Variants in SPTBN1 observed in about 807,000 individuals in gnomAD.
The protein encoded by SPTBN1 is spectrin beta, non-erythrocytic 1, also known as spectrin beta chain, non-erythrocytic 1.
A neutral mutation model predicts 266.4 loss-of-function variants in SPTBN1; 32 were observed. That is an observed-to-expected ratio of 0.12 (90% CI 0.09 to 0.16). SPTBN1 has a LOEUF of 0.16. Ranked by LOEUF, SPTBN1 falls within the 10% of genes least tolerant of loss-of-function variation. The pLI, the probability that SPTBN1 is intolerant of heterozygous loss-of-function variation, is 1.00. For synonymous variants in SPTBN1, 1,336 were observed against 1,162.2 expected, an observed-to-expected ratio of 1.15 and a Z score of -3.04; for missense variants, 2,296 against 3,067.1, an observed-to-expected ratio of 0.75 and a Z score of 5.94.
At chr2:54,582,061 G>T (rs185759427) in intron 2 of SPTBN1, among the ~76,000 whole-genome samples, 27 of 152,240 alleles carry the variant, frequency 1.8e-4, no homozygotes, top group African/African-American at 6.5e-4. Context: ...ACATCTGGAA[G>T]TCTGGTTATG....
intron 1 of SPTBN1, among the ~76,000 whole-genome samples, chr2:54,516,709 T>A (rs75675802): frequency 0.039 from 5,905 of 152,270 alleles, 152 homozygotes; most frequent in Admixed American, 0.089. Flanking sequence ...ACTCAAAATG[T>A]CTGAGACAAG....
intron 4 of SPTBN1, 46 bp downstream of exon 4, chr2:54,612,380 C>T: frequency 6.4e-7 from 1 of 1,560,252 alleles, no homozygotes; most frequent in Non-Finnish European, 8.7e-7. Context: ...GCCGACCTCT[C>T]AGGTATGAGC....
At chr2:54,506,124 TAAA>T in intron 1 of SPTBN1, among the ~76,000 whole-genome samples, 1 of 17,104 alleles carries the variant, frequency 5.8e-5, no homozygotes, top group Non-Finnish European at 1.8e-4. Context: ...ACTCCGTCTC[TAAA>T]TAAATAAATA....
At position 54,596,573 on chromosome 2, in the gene SPTBN1, G is replaced by C. The variant is rs547835475; in HGVS notation, c.149-2519G>C. 1.1e-3 allele frequency among the ~76,000 whole-genome samples: 169 copies of C among 152,310 alleles called. No individual in the cohort carries two copies. The Middle Eastern group carries it at 0.014, about 12-fold the overall frequency. On this transcript the variant is annotated intron_variant, in intron 2 of 35. Coordinates refer to ENST00000356805, the MANE Select transcript of SPTBN1 (RefSeq NM_003128.3). ...TGAACCTGAGGAACTTAGACCCTGC[G>C]TGATTTTTCCAGCACTCTTGCACTT... is the stretch of plus-strand genomic sequence containing the variant.
rs895000385 is a variant in SPTBN1 at position 54,642,392 on chromosome 2, A to AG, written c.3859-589dup. On this transcript the variant is annotated intron_variant, in intron 18 of 35. Transcript: ENST00000356805. ...AGAGAACTAGAGGCTATAGAAAAAG[A>AG]GGTGAAGGTGACTCAAACTTGAAGG... 3.5e-4 allele frequency among the ~76,000 whole-genome samples: 53 copies of AG among 152,310 alleles called. 1 individual carries two copies. The highest frequency in any genetic ancestry group is 1.1e-3 in the African/African-American group (46 of 41,558).
At chr2:54,491,961 A>G (rs1240440306) in intron 1 of SPTBN1, among the ~76,000 whole-genome samples, 1 of 152,200 alleles carries the variant, frequency 6.6e-6, no homozygotes, top group Non-Finnish European at 1.5e-5. Flanking sequence ...CCTTAAAGAA[A>G]TAGGCAGCAT....
intron 32 of SPTBN1, chr2:54,663,346 C>T (rs1681176333): frequency 6.6e-6 from 1 of 152,186 alleles, no homozygotes; most frequent in Non-Finnish European, 1.5e-5. Context: ...TGCAGGTTGT[C>T]TGTAATCCAC....
intron 2 of SPTBN1, among the ~76,000 whole-genome samples, chr2:54,546,310 C>T (rs1672235847): frequency 6.6e-6 from 1 of 152,176 alleles, no homozygotes; most frequent in African/African-American, 2.4e-5. Context: ...GCTGGCTGGG[C>T]AAAGTCTAAG....
intron 1 of SPTBN1, among the ~76,000 whole-genome samples, chr2:54,507,988 G>GT (rs1669664678): frequency 6.6e-6 from 1 of 152,236 alleles, no homozygotes; most frequent in Non-Finnish European, 1.5e-5. Flanking sequence ...GAGAATAAGA[G>GT]TAAGTATAAA....
chr2:54,633,947 A>G (rs1465247156), intron 17 of SPTBN1, among the ~76,000 whole-genome samples: 3 of 152,244 alleles, frequency 2.0e-5, no homozygotes, highest in Non-Finnish European at 4.4e-5. Context: ...TATGTTAATT[A>G]TAATTTTGTA....
At chr2:54,583,329 C>G (rs879787051) in intron 2 of SPTBN1, among the ~76,000 whole-genome samples, 1 of 152,136 alleles carries the variant, frequency 6.6e-6, no homozygotes, top group Non-Finnish European at 1.5e-5. Flanking sequence ...TGCGTCTATC[C>G]TTATTTCCTA....
chr2:54,493,271 G>A (rs891743824), intron 1 of SPTBN1, among the ~76,000 whole-genome samples: 1 of 152,054 alleles, frequency 6.6e-6, no homozygotes, highest in African/African-American at 2.4e-5. Context: ...CTCCCAAAGT[G>A]TTGGAATTAC....
At chr2:54,627,145 G>T (rs918070512) in intron 12 of SPTBN1, among the ~76,000 whole-genome samples, 26 of 152,200 alleles carry the variant, frequency 1.7e-4, no homozygotes, top group Admixed American at 1.7e-3. Context: ...CTCTTGGACT[G>T]TTCCTGACAG....
intron 2 of SPTBN1, among the ~76,000 whole-genome samples, chr2:54,538,282 G>A (rs575991485): frequency 1.3e-5 from 2 of 152,282 alleles, no homozygotes; most frequent in African/African-American, 2.4e-5. Flanking sequence ...AATATGTGTG[G>A]TTGATAACTT....
chr2:54,630,736 A>T, intron 15 of SPTBN1, 119 bp from the exon 16 acceptor site: 2 of 1,255,430 alleles, frequency 1.6e-6, no homozygotes, highest in Non-Finnish European at 2.1e-6. Context: ...AAAAGCATGT[A>T]GTCAAAGCAC....
At position 54,646,172 on chromosome 2, in the gene SPTBN1, G is replaced by A; in HGVS notation, c.4585-22G>A. 1.9e-6 allele frequency: 3 copies of A among 1,596,094 alleles called. No homozygotes were observed. Among genetic ancestry groups the A allele is most frequent in the Non-Finnish European group, 1.7e-6 (2 of 1,169,866 alleles). ...CGGCTGCCATTTAGCAAGCCTTTGT[G>A]TGTATTTTCCGCTCCCTCCAGACCC... On this transcript the variant is annotated intron_variant, in intron 22 of 35. Transcript: ENST00000356805. The surrounding 1 kb of genome is among the most constrained non-coding windows in gnomAD (Gnocchi z 4.4).
chr2:54,481,397 T>A (rs397869333), intron 1 of SPTBN1, among the ~76,000 whole-genome samples: 2,464 of 44,332 alleles, frequency 0.056, 52 homozygotes, highest in African/African-American at 0.3. Flanking sequence ...CCTGAGTGTG[T>A]GTGTGTGTGT....
intron 33 of SPTBN1, among the ~76,000 whole-genome samples, chr2:54,665,122 G>T (rs907815256): frequency 6.6e-6 from 1 of 152,168 alleles, no homozygotes; most frequent in African/African-American, 2.4e-5. Context: ...AACAGATGGG[G>T]AACAGAGGCT....
intron 33 of SPTBN1, 89 bp from the exon 34 acceptor site, chr2:54,665,826 T>A (rs1267162180): frequency 1.4e-6 from 2 of 1,437,024 alleles, no homozygotes; most frequent in Non-Finnish European, 1.9e-6. Context: ...TGTGTGAGGA[T>A]CATTTTCATG....
Sources: gnomAD v4.1 joint callset for allele counts (sites outside exome capture counted in the v4.1 genomes callset) on GRCh38, gnomAD v4.1.1 for gene constraint, Gnocchi (gnomAD v3.1) non-coding constraint, MANE v1.5 for transcripts, NCBI Gene and HGNC (gene_info 2026-07-23, HGNC 2026-07-21) for gene names.